Variants in OSTN observed in about 807,000 individuals in gnomAD.
The protein encoded by OSTN is osteocrin.
Under a neutral mutation model 12.0 loss-of-function variants are expected in OSTN, and 9 were observed. That is an observed-to-expected ratio of 0.75 (90% CI 0.45 to 1.30). OSTN has a LOEUF of 1.30. OSTN is among the 50% of genes most tolerant of loss of function. The pLI is 0.00. For missense variants in OSTN, 148 were observed against 152.3 expected, an observed-to-expected ratio of 0.97 and a Z score of 0.15; for synonymous variants, 59 against 56.9, an observed-to-expected ratio of 1.04 and a Z score of -0.16.
intron 2 of OSTN, among the ~76,000 whole-genome samples, chr3:191,217,491 T>G (rs929941866): frequency 2.0e-5 from 3 of 152,062 alleles, no homozygotes; most frequent in Non-Finnish European, 2.9e-5. Flanking sequence ...AGCTAAAAAA[T>G]TTTTCCCTCA....
chr3:191,214,319 G>A (rs1714544143), intron 2 of OSTN, among the ~76,000 whole-genome samples: 1 of 151,288 alleles, frequency 6.6e-6, no homozygotes, highest in Non-Finnish European at 1.5e-5. Context: ...GTAGTGGTGG[G>A]CGCCTGTAGT....
At chr3:191,245,938 G>C (rs1301512897) in intron 3 of OSTN, among the ~76,000 whole-genome samples, 2 of 151,324 alleles carry the variant, frequency 1.3e-5, no homozygotes, top group African/African-American at 2.4e-5. Context: ...GTGGTGGTGG[G>C]CGCCTGTAAT....
chr3:191,237,528 G>A (rs1202456832), intron 3 of OSTN, among the ~76,000 whole-genome samples: 1 of 152,218 alleles, frequency 6.6e-6, no homozygotes, highest in African/African-American at 2.4e-5. Flanking sequence ...TGGAGGTCAA[G>A]TGCCCCATTT....
chr3:191,208,408 G>T (rs563572897), intron 1 of OSTN, among the ~76,000 whole-genome samples: 5 of 152,306 alleles, frequency 3.3e-5, no homozygotes, highest in Admixed American at 1.3e-4. Context: ...AGGTGCCAGG[G>T]TGTTTGTTTT....
Position 191,231,359 on chromosome 3 carries a change from A to G in OSTN, c.317+12398A>G, listed in dbSNP as rs530444251. Among the ~76,000 whole-genome samples the G allele has an allele frequency of 7.9e-5, 12 of 152,186 alleles. No individual in the cohort carries two copies. In the South Asian group the frequency reaches 2.5e-3, roughly 31 times the overall value. On this transcript the variant is annotated intron_variant, in intron 3 of 4. Coordinates refer to ENST00000682035, the MANE Select transcript of OSTN (RefSeq NM_198184.2). ...GCGTCATTAAAAAAATCACACATAT[A>G]TATATATATCACATATATATAAACC...
intron 4 of OSTN, among the ~76,000 whole-genome samples, chr3:191,255,213 C>T (rs951725214): frequency 6.6e-6 from 1 of 152,102 alleles, no homozygotes; most frequent in African/African-American, 2.4e-5. Flanking sequence ...AATCTAATGC[C>T]ACTGTGGATC....
chr3:191,259,108 A>G (rs1388403111), intron 4 of OSTN, among the ~76,000 whole-genome samples: 4 of 152,202 alleles, frequency 2.6e-5, no homozygotes, highest in African/African-American at 9.7e-5. Flanking sequence ...GTGAGCTGTT[A>G]GAAGTCTTTT....
intron 3 of OSTN, among the ~76,000 whole-genome samples, chr3:191,232,826 C>A (rs1316963247): frequency 6.6e-6 from 1 of 151,986 alleles, no homozygotes; most frequent in Non-Finnish European, 1.5e-5. Context: ...TGTTGGCCAG[C>A]CTGGTCTCGA....
At chr3:191,203,430 A>T (rs1456356147) in intron 1 of OSTN, among the ~76,000 whole-genome samples, 1 of 152,242 alleles carries the variant, frequency 6.6e-6, no homozygotes, top group Non-Finnish European at 1.5e-5. Context: ...TTTTTGCAAG[A>T]AAGAGATTAG....
At chr3:191,204,085 T>C (rs1714215122) in intron 1 of OSTN, among the ~76,000 whole-genome samples, 1 of 152,162 alleles carries the variant, frequency 6.6e-6, no homozygotes, top group Admixed American at 6.5e-5. Flanking sequence ...AAACGGGGTT[T>C]CACCGTGTTA....
intron 2 of OSTN, among the ~76,000 whole-genome samples, chr3:191,215,858 G>C (rs1714595575): frequency 6.6e-6 from 1 of 152,122 alleles, no homozygotes; most frequent in Admixed American, 6.5e-5. Flanking sequence ...GATGCACAGT[G>C]CAAGCTGTCG....
chr3:191,216,368 C>G (rs568195056), intron 2 of OSTN, among the ~76,000 whole-genome samples: 1 of 152,080 alleles, frequency 6.6e-6, no homozygotes, highest in Non-Finnish European at 1.5e-5. Context: ...GAGACATTTT[C>G]CCCATTGTCT....
intron 3 of OSTN, among the ~76,000 whole-genome samples, chr3:191,241,166 A>AGTTTTTTTTTTTTT: frequency 2.1e-5 from 1 of 48,374 alleles, no homozygotes. Context: ...CTGTGCCTTG[A>AGTTTTTTTTTTTTT]CTTTTTTTTT....
chr3:191,238,987 T>C (rs577007242), intron 3 of OSTN, among the ~76,000 whole-genome samples: 3 of 152,368 alleles, frequency 2.0e-5, no homozygotes, highest in South Asian at 2.1e-4. Context: ...ACAGAAGTTT[T>C]AAAAGTTTCA....
intron 2 of OSTN, among the ~76,000 whole-genome samples, chr3:191,218,477 G>T (rs975446420): frequency 5.3e-5 from 8 of 152,058 alleles, no homozygotes; most frequent in South Asian, 2.1e-4. Flanking sequence ...CAAAAAATTG[G>T]CCAGGCATGA....
intron 3 of OSTN, among the ~76,000 whole-genome samples, chr3:191,237,538 T>C (rs1715225087): frequency 6.6e-6 from 1 of 152,226 alleles, no homozygotes; most frequent in Admixed American, 6.5e-5. Context: ...GTGCCCCATT[T>C]GACCTTGGCC....
intron 1 of OSTN, among the ~76,000 whole-genome samples, chr3:191,203,030 A>G (rs1714185977): frequency 6.6e-6 from 1 of 152,216 alleles, no homozygotes; most frequent in African/African-American, 2.4e-5. Flanking sequence ...CTTTCATTAG[A>G]ATGAGAATCT....
chr3:191,204,349 G>C (rs772737763), intron 1 of OSTN, among the ~76,000 whole-genome samples: 2 of 152,096 alleles, frequency 1.3e-5, no homozygotes, highest in Non-Finnish European at 1.5e-5. Context: ...TATGCACCAC[G>C]AGTATTTCTC....
At chr3:191,235,692 A>G (rs1458238690) in intron 3 of OSTN, among the ~76,000 whole-genome samples, 8 of 152,128 alleles carry the variant, frequency 5.3e-5, no homozygotes, top group Non-Finnish European at 1.0e-4. Flanking sequence ...CACCACCATC[A>G]GCATCCTGAT....
Sources: gnomAD v4.1 joint callset for allele counts (sites outside exome capture counted in the v4.1 genomes callset) on GRCh38, gnomAD v4.1.1 for gene constraint, MANE v1.5 for transcripts, NCBI Gene and HGNC (gene_info 2026-07-23, HGNC 2026-07-21) for gene names.